Variants in SYN3 observed in about 807,000 individuals in gnomAD.
SYN3 encodes synapsin III.
SYN3 carries 35 observed loss-of-function variants against 65.8 expected under a neutral mutation model. The observed-to-expected ratio is 0.53, with a 90% CI of 0.41 to 0.70. The LOEUF (loss-of-function observed/expected upper bound fraction) is 0.70, where lower values mean the gene tolerates loss of function less well. SYN3 is among the 30% of genes least tolerant of loss of function. The pLI is 0.00. For synonymous variants in SYN3, 270 were observed against 292.9 expected, an observed-to-expected ratio of 0.92 and a Z score of 0.80; for missense variants, 680 against 749.0, an observed-to-expected ratio of 0.91 and a Z score of 1.08.
chr22:33,017,328 C>G (rs1053910181), intron 1 of SYN3, among the ~76,000 whole-genome samples: 9 of 152,156 alleles, frequency 5.9e-5, no homozygotes, highest in African/African-American at 2.2e-4. Flanking sequence ...GTGCCTCTAG[C>G]TTTCTTCTTT....
chr22:32,836,172 A>T (rs130300), intron 6 of SYN3, among the ~76,000 whole-genome samples: 118,718 of 151,760 alleles, frequency 0.78, 46,819 homozygotes, highest in East Asian at 0.92. Context: ...ATTTTGGGGA[A>T]TGGTTTTAAG....
At chr22:32,828,592 C>T (rs1475084334) in intron 6 of SYN3, among the ~76,000 whole-genome samples, 1 of 152,214 alleles carries the variant, frequency 6.6e-6, no homozygotes, top group East Asian at 1.9e-4. Flanking sequence ...GGTCTGTTTG[C>T]TTCCCAGTTG....
intron 12 of SYN3, among the ~76,000 whole-genome samples, chr22:32,524,073 G>A (rs2057934991): frequency 6.6e-6 from 1 of 152,248 alleles, no homozygotes; most frequent in South Asian, 2.1e-4. Context: ...AAAGTTGGAA[G>A]CTAGCAGAGG....
At chr22:32,781,058 TC>T (rs1253513747) in intron 6 of SYN3, among the ~76,000 whole-genome samples, 30 of 19,972 alleles carry the variant, frequency 1.5e-3, no homozygotes, top group Non-Finnish European at 6.1e-4. Flanking sequence ...CCTCCCTCCC[TC>T]CCTTCCTCCC....
At chr22:32,658,521 CAT>C (rs1233098651) in intron 6 of SYN3, among the ~76,000 whole-genome samples, 2 of 152,248 alleles carry the variant, frequency 1.3e-5, no homozygotes, top group African/African-American at 4.8e-5. Flanking sequence ...CAAAAATACA[CAT>C]CTCTCACGCT....
chr22:33,005,370 T>C (rs133942), intron 2 of SYN3, among the ~76,000 whole-genome samples: 103,656 of 152,080 alleles, frequency 0.68, 35,769 homozygotes, highest in Middle Eastern at 0.73. Flanking sequence ...TGGGCTCACT[T>C]CCTGAACTGC....
intron 2 of SYN3, among the ~76,000 whole-genome samples, chr22:32,988,346 T>TAATAATAAA (rs1050273077): frequency 3.7e-5 from 5 of 136,120 alleles, no homozygotes; most frequent in East Asian, 2.2e-4. Context: ...ATAATAATAA[T>TAATAATAAA]AAAATAAATA....
intron 1 of SYN3, among the ~76,000 whole-genome samples, chr22:33,030,105 G>A (rs1242463173): frequency 6.6e-6 from 1 of 152,170 alleles, no homozygotes; most frequent in African/African-American, 2.4e-5. Flanking sequence ...TTGGGGGAAA[G>A]GTACCAAGTC....
chr22:32,777,340 G>A (rs2045932184), intron 6 of SYN3, among the ~76,000 whole-genome samples: 1 of 151,996 alleles, frequency 6.6e-6, no homozygotes, highest in South Asian at 2.1e-4. Context: ...ACTGGCATAT[G>A]GGCACATTAG....
intron 5 of SYN3, among the ~76,000 whole-genome samples, chr22:32,868,509 C>T (rs758190797): frequency 2.0e-5 from 3 of 151,700 alleles, no homozygotes; most frequent in African/African-American, 7.3e-5. Flanking sequence ...GGCACGATCT[C>T]GGCTCACCAC....
chr22:33,027,874 C>T lies in SYN3; in HGVS notation c.-162-21050G>A, dbSNP rs565848578. Among the ~76,000 whole-genome samples, 9 of 152,322 alleles carry T rather than the reference C, an allele frequency of 5.9e-5. No homozygotes were observed. The South Asian group carries it at 1.9e-3, about 32-fold the overall frequency. On this transcript the variant is annotated intron_variant, in intron 1 of 13. Transcript: ENST00000358763. Reference sequence around the variant, plus strand: ...ATTTCATCAGTGAAGAGACAAAGAGCTGAGCAAAGAGAGGTGAGTTTTATT... The same window carrying T: ...ATTTCATCAGTGAAGAGACAAAGAGTTGAGCAAAGAGAGGTGAGTTTTATT...
At chr22:32,611,831 T>C (rs1390631604) in intron 6 of SYN3, among the ~76,000 whole-genome samples, 1 of 152,186 alleles carries the variant, frequency 6.6e-6, no homozygotes, top group Non-Finnish European at 1.5e-5. Flanking sequence ...TTTGTTCTAA[T>C]GAGGCCACTC....
Position 32,641,643 on chromosome 22 carries a change from G to T in SYN3, c.712-44907C>A, listed in dbSNP as rs770383306. Among the ~76,000 whole-genome samples the T allele has an allele frequency of 8.0e-3, 1,202 of 150,262 alleles. 5 individuals carry two copies. The highest frequency in any genetic ancestry group is 0.011 in the Non-Finnish European group (747 of 67,698). ...AAAAAAAAAAAAATTGCCTAGGGCT[G>T]TTGGGGTGTGGGAGGAGGGAAGGGG... On this transcript the variant is annotated intron_variant, in intron 6 of 13. Transcript: ENST00000358763.
At position 32,692,462 on chromosome 22, in the gene SYN3, G is replaced by A. The variant is rs1234071131; in HGVS notation, c.712-95726C>T. 5.9e-5 allele frequency among the ~76,000 whole-genome samples: 9 copies of A among 152,156 alleles called. No individual in the cohort carries two copies. In the East Asian group the frequency reaches 9.6e-4, roughly 16 times the overall value. ...GCATCATTTCTGACTCCAGCACAGC[G>A]TGTTTATTAGCATGCATTCAGGCCC... On this transcript the variant is annotated intron_variant, in intron 6 of 13. Transcript: ENST00000358763.
chr22:32,904,939 T>A (rs1445873838), intron 4 of SYN3, among the ~76,000 whole-genome samples: 2 of 152,170 alleles, frequency 1.3e-5, no homozygotes, highest in Non-Finnish European at 2.9e-5. Flanking sequence ...TTATATACCG[T>A]CCCTCAGAGA....
At chr22:32,960,780 C>T (rs1016854307) in intron 3 of SYN3, among the ~76,000 whole-genome samples, 11 of 152,138 alleles carry the variant, frequency 7.2e-5, no homozygotes, top group South Asian at 2.1e-4. Flanking sequence ...TGGGGTCAGA[C>T]GGACCTGGGT....
chr22:32,805,045 G>A (rs1026747255), intron 6 of SYN3, among the ~76,000 whole-genome samples: 6 of 152,218 alleles, frequency 3.9e-5, no homozygotes, highest in African/African-American at 9.7e-5. Flanking sequence ...GTGTGTGCGC[G>A]TGTGTGGCTT....
chr22:32,746,246 T>TC (rs527860942), intron 6 of SYN3, among the ~76,000 whole-genome samples: 374 of 152,218 alleles, frequency 2.5e-3, no homozygotes, highest in Non-Finnish European at 4.3e-3. Flanking sequence ...GCTCCAAGAA[T>TC]CCCCCTTTGG....
intron 6 of SYN3, among the ~76,000 whole-genome samples, chr22:32,782,694 T>A (rs1026379137): frequency 1.3e-4 from 20 of 152,034 alleles, no homozygotes; most frequent in East Asian, 7.8e-4. Context: ...ATTTTTTGTA[T>A]TTTTAGTAGA....
Sources: allele counts gnomAD v4.1 joint callset (sites outside exome capture counted in the v4.1 genomes callset), GRCh38; gene constraint gnomAD v4.1.1; transcripts MANE v1.5; gene names NCBI Gene and HGNC (gene_info 2026-07-23, HGNC 2026-07-21).